NWD1: variants seen among roughly 807,000 people sequenced by gnomAD.
NWD1 encodes NACHT and WD repeat domain containing 1.
In NWD1, 129 loss-of-function variants were observed where a neutral mutation model predicts 135.1. The ratio of observed to expected loss-of-function variants is 0.96; its 90% CI spans 0.83 to 1.11. The LOEUF is 1.11. Ranked by LOEUF, NWD1 falls within the 50% of genes least tolerant of loss-of-function variation. The probability of loss-of-function intolerance (pLI) is 0.00; values close to 1 mark genes in which losing one functional copy is unlikely to be tolerated. For synonymous variants in NWD1, 773 were observed against 786.0 expected (o/e 0.98, Z 0.28); for missense variants, 1,740 against 1,851.3 (o/e 0.94, Z 1.10).
intron 18 of NWD1, among the ~76,000 whole-genome samples, chr19:16,810,322 C>T (rs746536392): frequency 1.3e-4 from 20 of 151,416 alleles, no homozygotes; most frequent in African/African-American, 4.4e-4. Context: ...CCTGTAATCC[C>T]GGCTACCCGG....
At chr19:16,761,341 CCTTTCTTTCT>C (rs962101687) in intron 7 of NWD1, among the ~76,000 whole-genome samples, 3 of 150,158 alleles carry the variant, frequency 2.0e-5, no homozygotes, top group Non-Finnish European at 4.4e-5. Context: ...ACACCTGTTC[CCTTTCTTTCT>C]CTTTCTTTCT....
At chr19:16,741,634 G>T (rs921661848) in intron 4 of NWD1, among the ~76,000 whole-genome samples, 10 of 152,026 alleles carry the variant, frequency 6.6e-5, no homozygotes, top group African/African-American at 2.4e-4. Flanking sequence ...CTCCCAAAGT[G>T]CTGGGATTAC....
intron 17 of NWD1, among the ~76,000 whole-genome samples, chr19:16,806,311 C>T (rs574140184): frequency 8.7e-4 from 133 of 152,218 alleles, no homozygotes; most frequent in African/African-American, 3.2e-3. Context: ...CTGGGAATTG[C>T]CCACTGATGA....
chr19:16,764,771 A>G (rs1051346231), intron 9 of NWD1, among the ~76,000 whole-genome samples: 5 of 152,000 alleles, frequency 3.3e-5, no homozygotes, highest in Non-Finnish European at 5.9e-5. Context: ...CCCAGGGGAC[A>G]CTTGACAATG....
intron 12 of NWD1, among the ~76,000 whole-genome samples, chr19:16,788,641 G>T (rs1046324375): frequency 6.6e-6 from 1 of 152,006 alleles, no homozygotes; most frequent in Non-Finnish European, 1.5e-5. Context: ...CAATAATGAG[G>T]GTGTGGCTGG....
intron 12 of NWD1, among the ~76,000 whole-genome samples, chr19:16,779,992 T>C (rs1969799246): frequency 6.6e-6 from 1 of 152,070 alleles, no homozygotes; most frequent in Non-Finnish European, 1.5e-5. Context: ...CTGGGCAGTT[T>C]TCTGCTCTCA....
chr19:16,721,396 A>G (rs533091630), intron 1 of NWD1: 1 of 152,322 alleles, frequency 6.6e-6, no homozygotes, highest in East Asian at 1.9e-4. Flanking sequence ...GATCATCAGC[A>G]GGCAGTAACC....
intron 17 of NWD1, among the ~76,000 whole-genome samples, chr19:16,802,368 G>T (rs1393254569): frequency 6.6e-6 from 1 of 151,160 alleles, no homozygotes; most frequent in Non-Finnish European, 1.5e-5. Flanking sequence ...ATGGAGGCAG[G>T]ATGATCGCTT....
At chr19:16,746,385 A>G (rs1483101012) in intron 5 of NWD1, among the ~76,000 whole-genome samples, 1 of 151,450 alleles carries the variant, frequency 6.6e-6, no homozygotes, top group Non-Finnish European at 1.5e-5. Flanking sequence ...GAAACAACAT[A>G]AACAGTTGGC....
chr19:16,755,534 G>A lies in NWD1; in HGVS notation c.1770-3691G>A, dbSNP rs373037089. ...CTCTCAAGTAGCTGGGATTACAGGC[G>A]TGCACCACCATGCCTGGCTAATTTT... On this transcript the variant is annotated intron_variant, in intron 6 of 18. Coordinates refer to ENST00000524140, the MANE Select transcript of NWD1 (RefSeq NM_001007525.5). Among the ~76,000 whole-genome samples the A allele has an allele frequency of 3.2e-4, 48 of 152,130 alleles. No homozygotes were observed. In the East Asian group the frequency reaches 4.2e-3, roughly 13 times the overall value.
intron 10 of NWD1, among the ~76,000 whole-genome samples, chr19:16,770,526 A>G (rs1969378542): frequency 6.6e-6 from 1 of 152,034 alleles, no homozygotes. Flanking sequence ...ACACACAGAG[A>G]CCACAAATTT....
At position 16,807,802 on chromosome 19, in the gene NWD1, A is replaced by G; in HGVS notation, c.3953A>G (p.Tyr1318Cys). 9 of 1,614,076 alleles carry G rather than the reference A, an allele frequency of 5.6e-6. No individual in the cohort carries two copies. The highest frequency in any genetic ancestry group is 7.6e-6 in the Non-Finnish European group (9 of 1,179,976). ...TGCGAGGACCGCCTGGCCATCGCCT[A>G]TGACAACATCGTCCTGGTGCTGGAC... is the stretch of plus-strand genomic sequence containing the variant. Reference protein sequence around the residue: ...SKCEDRLAIAYDNIVLVLDIT... With the variant: ...SKCEDRLAIACDNIVLVLDIT... The change falls in exon 18 of 19, where the codon TAT becomes TGT. Residue 1318 changes from tyrosine (Y) to cysteine (C), a missense_variant. Tyr to Cys is a radical substitution (Grantham distance 194). Transcript: ENST00000524140.
intron 12 of NWD1, among the ~76,000 whole-genome samples, chr19:16,781,578 T>C (rs752957552): frequency 6.6e-6 from 1 of 151,844 alleles, no homozygotes; most frequent in Non-Finnish European, 1.5e-5. Flanking sequence ...ATTACACCAC[T>C]GTACTCTAGC....
At chr19:16,780,967 AT>A (rs914377594) in intron 12 of NWD1, among the ~76,000 whole-genome samples, 1 of 152,238 alleles carries the variant, frequency 6.6e-6, no homozygotes, top group Non-Finnish European at 1.5e-5. Context: ...CCTAGGCTTC[AT>A]TTTTTGATGG....
chr19:16,812,799 G>T, intron 18 of NWD1: 1 of 781,140 alleles, frequency 1.3e-6, no homozygotes. Flanking sequence ...TGACAAGTAT[G>T]TGTACGTGGG....
chr19:16,787,626 G>A lies in NWD1; in HGVS notation c.2732-1356G>A, dbSNP rs186547064. Among the ~76,000 whole-genome samples, 871 of 152,134 alleles carry A rather than the reference G, an allele frequency of 5.7e-3. 8 individuals are homozygous for A. The highest frequency in any genetic ancestry group is 0.019 in the African/African-American group (798 of 41,514). On this transcript the variant is annotated intron_variant, in intron 12 of 18. Coordinates refer to ENST00000524140, the MANE Select transcript of NWD1 (RefSeq NM_001007525.5). The stretch of plus-strand genomic sequence containing the variant: ...TGTAATCCCAGCACTTTGGAAGGCC[G>A]AGGCGGGTGGATCACCTGAGGTCAG...
At chr19:16,762,275 C>T (rs1969048037) in intron 8 of NWD1, 137 bp downstream of exon 8, 1 of 676,896 alleles carries the variant, frequency 1.5e-6, no homozygotes, top group East Asian at 2.8e-5. Context: ...GCAAGATGTC[C>T]CTTCTACTGT....
chr19:16,734,857 A>G (rs1176911099), intron 3 of NWD1, among the ~76,000 whole-genome samples: 1 of 151,944 alleles, frequency 6.6e-6, no homozygotes, highest in Non-Finnish European at 1.5e-5. Flanking sequence ...TAGTGCTGGG[A>G]TTATAGGGGT....
At chr19:16,780,934 C>T (rs942430298) in intron 12 of NWD1, among the ~76,000 whole-genome samples, 3 of 152,134 alleles carry the variant, frequency 2.0e-5, no homozygotes, top group Non-Finnish European at 4.4e-5. Flanking sequence ...GCTGAGATTA[C>T]AGGTGTGAGC....
Sources: gnomAD v4.1 joint callset for allele counts (sites outside exome capture counted in the v4.1 genomes callset) on GRCh38, gnomAD v4.1.1 for gene constraint, MANE v1.5 for transcripts, NCBI Gene and HGNC (gene_info 2026-07-23, HGNC 2026-07-21) for gene names.